Variants in TMEM74 observed in about 807,000 individuals in gnomAD.
The protein encoded by TMEM74 is transmembrane protein 74.
In TMEM74, 13 loss-of-function variants were observed where a neutral mutation model predicts 18.1. The observed-to-expected ratio is 0.72, with a 90% CI of 0.47 to 1.14. The LOEUF (loss-of-function observed/expected upper bound fraction) is 1.14, where lower values mean the gene tolerates loss of function less well. Among genes scored for constraint, TMEM74 ranks in the 50% most tolerant of loss-of-function variants. TMEM74 has a pLI of 0.00. For missense variants in TMEM74, 372 were observed against 375.9 expected (o/e 0.99, Z 0.09); for synonymous variants, 159 against 146.6 (o/e 1.08, Z -0.61).
intron 1 of TMEM74, among the ~76,000 whole-genome samples, chr8:108,716,991 T>C (rs1452366214): frequency 1.3e-5 from 2 of 151,994 alleles, no homozygotes; most frequent in East Asian, 1.9e-4. Flanking sequence ...AAAATTTGCC[T>C]CATTATGAAC....
chr8:108,731,035 TA>T (rs1428287331), intron 1 of TMEM74, among the ~76,000 whole-genome samples: 1 of 152,182 alleles, frequency 6.6e-6, no homozygotes, highest in Non-Finnish European at 1.5e-5. Flanking sequence ...CTCCTCACTC[TA>T]AAAACACCTT....
chr8:108,730,206 G>A (rs1298762753), intron 1 of TMEM74, among the ~76,000 whole-genome samples: 1 of 152,164 alleles, frequency 6.6e-6, no homozygotes, highest in African/African-American at 2.4e-5. Flanking sequence ...TCCCCATGCT[G>A]ATCAATAGAG....
chr8:108,663,340 C>T (rs1181664337), intron 1 of TMEM74, among the ~76,000 whole-genome samples: 1 of 152,044 alleles, frequency 6.6e-6, no homozygotes, highest in Admixed American at 6.6e-5. Context: ...GACATTCATG[C>T]GGTCAACAAA....
At chr8:108,727,916 T>A (rs1007584331) in intron 1 of TMEM74, among the ~76,000 whole-genome samples, 1 of 152,070 alleles carries the variant, frequency 6.6e-6, no homozygotes, top group Non-Finnish European at 1.5e-5. Context: ...AAATAATGAA[T>A]GTATATCAAG....
intron 1 of TMEM74, among the ~76,000 whole-genome samples, chr8:108,695,855 A>T (rs1429667118): frequency 1.3e-5 from 2 of 152,172 alleles, no homozygotes; most frequent in Non-Finnish European, 2.9e-5. Flanking sequence ...GCCCATCAGA[A>T]ATGATAGGAA....
chr8:108,627,125 C>T (rs1029294482), intron 2 of TMEM74, among the ~76,000 whole-genome samples: 2 of 152,016 alleles, frequency 1.3e-5, no homozygotes, highest in African/African-American at 4.8e-5. Context: ...ATTCCATTTT[C>T]TTTCTCCGTT....
intron 1 of TMEM74, among the ~76,000 whole-genome samples, chr8:108,725,984 C>A (rs1813633263): frequency 6.6e-6 from 1 of 151,980 alleles, no homozygotes; most frequent in South Asian, 2.1e-4. Flanking sequence ...TTTTTGTATA[C>A]CATGTGAGAA....
chr8:108,718,262 C>T (rs1351648524), intron 1 of TMEM74, among the ~76,000 whole-genome samples: 2 of 151,810 alleles, frequency 1.3e-5, no homozygotes, highest in Non-Finnish European at 2.9e-5. Flanking sequence ...CCGGCCCTGA[C>T]TTAGGTTTTA....
At chr8:108,760,931 A>AGT (rs1048495752) in intron 1 of TMEM74, among the ~76,000 whole-genome samples, 2 of 151,588 alleles carry the variant, frequency 1.3e-5, no homozygotes, top group African/African-American at 4.8e-5. Flanking sequence ...CTCTAATTGC[A>AGT]GTGTTCTCCT....
chr8:108,709,897 A>G (rs1813458077), intron 1 of TMEM74, among the ~76,000 whole-genome samples: 1 of 152,210 alleles, frequency 6.6e-6, no homozygotes, highest in South Asian at 2.1e-4. Flanking sequence ...CTGTTAAACA[A>G]TAAAACAAAC....
intron 2 of TMEM74, among the ~76,000 whole-genome samples, chr8:108,636,937 C>T (rs566512389): frequency 6.0e-4 from 92 of 152,148 alleles, no homozygotes; most frequent in Admixed American, 8.5e-4. Context: ...TGACCATGAT[C>T]GGTCAAGTCA....
intron 1 of TMEM74, among the ~76,000 whole-genome samples, chr8:108,763,195 C>T (rs1336196056): frequency 6.6e-6 from 1 of 151,924 alleles, no homozygotes; most frequent in African/African-American, 2.4e-5. Context: ...GAAACCAACC[C>T]TTTTCCCCAT....
chr8:108,667,647 C>T (rs1001280607), intron 1 of TMEM74, among the ~76,000 whole-genome samples: 3 of 152,114 alleles, frequency 2.0e-5, no homozygotes. Context: ...AAATTATAGA[C>T]TGGTAAAATT....
At chr8:108,689,425 T>C (rs1813203221) in intron 1 of TMEM74, among the ~76,000 whole-genome samples, 1 of 152,180 alleles carries the variant, frequency 6.6e-6, no homozygotes, top group African/African-American at 2.4e-5. Context: ...CTGTCAAGTA[T>C]GGTAAGACAG....
chr8:108,735,058 C>T (rs1813734034), intron 1 of TMEM74, among the ~76,000 whole-genome samples: 1 of 152,172 alleles, frequency 6.6e-6, no homozygotes, highest in Non-Finnish European at 1.5e-5. Flanking sequence ...ATTCCATCAT[C>T]ATTCTCCGTC....
intron 1 of TMEM74, among the ~76,000 whole-genome samples, chr8:108,671,170 G>A (rs1813001724): frequency 6.6e-6 from 1 of 152,108 alleles, no homozygotes; most frequent in Admixed American, 6.5e-5. Context: ...GATGGCCAGT[G>A]CTCACTCTTG....
At chr8:108,716,460 T>A (rs1258609026) in intron 1 of TMEM74, among the ~76,000 whole-genome samples, 1 of 152,086 alleles carries the variant, frequency 6.6e-6, no homozygotes, top group Admixed American at 6.6e-5. Context: ...CTGTTCTGAC[T>A]CTGAGTCACA....
At chr8:108,710,609 G>C (rs1046110430) in intron 1 of TMEM74, among the ~76,000 whole-genome samples, 3 of 152,222 alleles carry the variant, frequency 2.0e-5, no homozygotes, top group Non-Finnish European at 4.4e-5. Context: ...CTCATCAGCA[G>C]CTTACTCACA....
At position 108,739,353 on chromosome 8, in the gene TMEM74, C is replaced by T. The variant is rs989309639; in HGVS notation, n.119+48123G>A. Reference sequence around the variant, plus strand: ...GTGCATTCTGGAAAATTTGTGATAACGCTTCTGTAGAATTAGGTAAAACTG... The same window carrying T: ...GTGCATTCTGGAAAATTTGTGATAATGCTTCTGTAGAATTAGGTAAAACTG... On this transcript the variant is annotated intron_variant and non_coding_transcript_variant, in intron 1 of 3. Coordinates refer to the TMEM74 transcript ENST00000518838. 9.2e-5 allele frequency among the ~76,000 whole-genome samples: 14 copies of T among 152,096 alleles called. 1 individual carries two copies. The highest frequency in any genetic ancestry group is 6.6e-4 in the Admixed American group (10 of 15,258).
Sources: allele counts gnomAD v4.1 joint callset (sites outside exome capture counted in the v4.1 genomes callset), GRCh38; gene constraint gnomAD v4.1.1; transcripts MANE v1.5; gene names NCBI Gene and HGNC (gene_info 2026-07-23, HGNC 2026-07-21).